The following SPAG16 variants were observed in gnomAD, a reference collection of about 807,000 sequenced individuals.
The protein encoded by SPAG16 is sperm-associated antigen 16 protein.
SPAG16 carries 86 observed loss-of-function variants against 80.4 expected under a neutral mutation model. The ratio of observed to expected loss-of-function variants is 1.07; its 90% CI spans 0.90 to 1.28. SPAG16 has a LOEUF of 1.28. SPAG16 is among the 50% of genes most tolerant of loss of function. The pLI, the probability that SPAG16 is intolerant of heterozygous loss-of-function variation, is 0.00. For missense variants in SPAG16, 870 were observed against 765.3 expected (o/e 1.14, Z -1.61); for synonymous variants, 294 against 265.9 (o/e 1.11, Z -1.03).
At chr2:213,740,359 T>C (rs1398659653) in intron 10 of SPAG16, among the ~76,000 whole-genome samples, 1 of 152,146 alleles carries the variant, frequency 6.6e-6, no homozygotes, top group Non-Finnish European at 1.5e-5. Context: ...TAAAGAAAGG[T>C]TGATGTCTTA....
chr2:214,302,737 C>A (rs955447128), intron 15 of SPAG16, among the ~76,000 whole-genome samples: 2 of 152,184 alleles, frequency 1.3e-5, no homozygotes, highest in Admixed American at 6.5e-5. Context: ...CCTGCCTCAG[C>A]CTCCCGAAGT....
At chr2:213,785,182 T>G (rs2070259726) in intron 10 of SPAG16, among the ~76,000 whole-genome samples, 1 of 152,206 alleles carries the variant, frequency 6.6e-6, no homozygotes, top group Non-Finnish European at 1.5e-5. Context: ...CAGAACTACT[T>G]AGACTTTTTT....
chr2:213,601,043 A>G lies in SPAG16; in HGVS notation c.1070+110953A>G, dbSNP rs115192252. 2.4e-3 allele frequency among the ~76,000 whole-genome samples: 368 copies of G among 152,298 alleles called. 2 individuals carry two copies. Among genetic ancestry groups the G allele is most frequent in the African/African-American group, 8.4e-3 (348 of 41,552 alleles). On this transcript the variant is annotated intron_variant, in intron 10 of 15. Transcript: ENST00000331683. ...GAAGTGTGGATGATTTTAAGCAAGG[A>G]GAGTAAATGATTGTAGGGAAATGCA...
chr2:213,990,440 T>C (rs1447968285), intron 12 of SPAG16, among the ~76,000 whole-genome samples: 1 of 152,144 alleles, frequency 6.6e-6, no homozygotes, highest in Admixed American at 6.6e-5. Flanking sequence ...AGCTACTAAA[T>C]GCCTACTGTT....
intron 9 of SPAG16, among the ~76,000 whole-genome samples, chr2:213,381,086 C>CACAATATAAGTG (rs76011056): frequency 6.6e-6 from 1 of 151,906 alleles, no homozygotes; most frequent in South Asian, 2.1e-4. Context: ...CTGGGCTTAC[C>CACAATATAAGTG]GTAAAATAGA....
chr2:213,812,347 G>T (rs1245045031), intron 10 of SPAG16, among the ~76,000 whole-genome samples: 1 of 152,194 alleles, frequency 6.6e-6, no homozygotes, highest in African/African-American at 2.4e-5. Flanking sequence ...CCAGAGTGTG[G>T]CAGAGGAAGC....
At chr2:213,420,691 T>C (rs577700255) in intron 9 of SPAG16, among the ~76,000 whole-genome samples, 55 of 152,364 alleles carry the variant, frequency 3.6e-4, no homozygotes, top group African/African-American at 1.2e-3. Context: ...TTTAATAACC[T>C]AATACCACTA....
At chr2:214,399,602 T>C (rs1323063632) in intron 15 of SPAG16, among the ~76,000 whole-genome samples, 1 of 152,098 alleles carries the variant, frequency 6.6e-6, no homozygotes, top group Non-Finnish European at 1.5e-5. Flanking sequence ...CTCTGACTTT[T>C]AGAGTCTTAA....
At chr2:213,908,860 T>C (rs1462413210) in intron 11 of SPAG16, among the ~76,000 whole-genome samples, 2 of 151,802 alleles carry the variant, frequency 1.3e-5, no homozygotes, top group Non-Finnish European at 2.9e-5. Context: ...GCCATGCTGG[T>C]GTGCTGCACC....
At chr2:214,307,005 G>C (rs189710463) in intron 15 of SPAG16, among the ~76,000 whole-genome samples, 2 of 151,942 alleles carry the variant, frequency 1.3e-5, no homozygotes, top group African/African-American at 4.8e-5. Flanking sequence ...GTGTGAATCC[G>C]TCTAGTTCTG....
At chr2:213,317,482 A>T in intron 5 of SPAG16, 126 bp downstream of exon 5, 1 of 1,358,122 alleles carries the variant, frequency 7.4e-7, no homozygotes, top group Non-Finnish European at 9.5e-7. Flanking sequence ...CTAGTTGTAA[A>T]GAATGTGAGA....
chr2:213,293,579 C>T (rs2062382055), intron 1 of SPAG16, among the ~76,000 whole-genome samples: 1 of 152,182 alleles, frequency 6.6e-6, no homozygotes, highest in African/African-American at 2.4e-5. Flanking sequence ...GAACTGAGGT[C>T]TTCTGGGAAA....
At chr2:214,038,126 C>T (rs2048808612) in intron 13 of SPAG16, among the ~76,000 whole-genome samples, 2 of 151,980 alleles carry the variant, frequency 1.3e-5, no homozygotes, top group Non-Finnish European at 2.9e-5. Context: ...GTTATATTTG[C>T]TGTGTTTCTC....
At chr2:213,591,174 T>C (rs1225250426) in intron 10 of SPAG16, among the ~76,000 whole-genome samples, 1 of 152,230 alleles carries the variant, frequency 6.6e-6, no homozygotes, top group East Asian at 1.9e-4. Context: ...ATAGGAAGCA[T>C]TATGATCTGT....
chr2:213,795,947 GTT>G (rs1239080258), intron 10 of SPAG16, among the ~76,000 whole-genome samples: 1 of 152,052 alleles, frequency 6.6e-6, no homozygotes, highest in East Asian at 1.9e-4. Context: ...AGCCTCAAGT[GTT>G]TCTTTATAGC....
chr2:213,949,185 T>G (rs1367484628), intron 12 of SPAG16, among the ~76,000 whole-genome samples: 1 of 16,946 alleles, frequency 5.9e-5, no homozygotes, highest in Non-Finnish European at 1.8e-4. Flanking sequence ...TTTTTTTTTT[T>G]TTTTTTTTGA....
Position 213,909,408 on chromosome 2 carries a change from C to T in SPAG16, c.1215-20552C>T, listed in dbSNP as rs187726325. On this transcript the variant is annotated intron_variant, in intron 11 of 15. Coordinates refer to ENST00000331683, the MANE Select transcript of SPAG16 (RefSeq NM_024532.5). ...GTTCATATGGAGCCAAAAAAGAGCC[C>T]GCATCGCCAAGTCAATCCTAAGCCA... Among the ~76,000 whole-genome samples, 819 of 152,202 alleles carry T rather than the reference C, an allele frequency of 5.4e-3. 6 individuals are homozygous for T. The highest frequency in any genetic ancestry group is 0.018 in the African/African-American group (752 of 41,522).
In SPAG16 at chr2:214,113,241, G is replaced by C. The variant is rs185215995; in HGVS notation, c.1593+4980G>C. On this transcript the variant is annotated intron_variant, in intron 14 of 15. Transcript: ENST00000331683. ...GGTTACCTGACCTTTCTCTCTGGCT[G>C]CCCTTAACATTTTTTCCTTCATTTC... Among the ~76,000 whole-genome samples the C allele has an allele frequency of 9.3e-3, 1,420 of 152,220 alleles. 29 individuals carry two copies. Among genetic ancestry groups the C allele is most frequent in the African/African-American group, 0.032 (1,346 of 41,512 alleles).
chr2:213,891,550 A>C (rs1024765626), intron 11 of SPAG16, among the ~76,000 whole-genome samples: 1 of 152,102 alleles, frequency 6.6e-6, no homozygotes, highest in African/African-American at 2.4e-5. Flanking sequence ...CTGGTATTCA[A>C]AGAAAAAAGA....
Sources: gnomAD v4.1 joint callset for allele counts (sites outside exome capture counted in the v4.1 genomes callset) on GRCh38, gnomAD v4.1.1 for gene constraint, MANE v1.5 for transcripts, NCBI Gene and HGNC (gene_info 2026-07-23, HGNC 2026-07-21) for gene names.